Variants in PHF24 observed in about 807,000 individuals in gnomAD.
PHF24 encodes the protein Galpha inhibitory interacting protein.
PHF24 carries 25 observed loss-of-function variants against 42.6 expected under a neutral mutation model. The ratio of observed to expected loss-of-function variants is 0.59; its 90% confidence interval spans 0.43 to 0.82. The LOEUF is 0.82. Ranked by LOEUF, PHF24 falls within the 40% of genes least tolerant of loss-of-function variation. The pLI, the probability that PHF24 is intolerant of heterozygous loss-of-function variation, is 0.00. For synonymous variants in PHF24, 185 were observed against 204.8 expected (o/e 0.90, Z 0.83); for missense variants, 470 against 538.1 (o/e 0.87, Z 1.25).
chr9:34,977,718 C>T (rs1355009309), intron 7 of PHF24, 77 bp downstream of exon 7: 1 of 1,228,610 alleles, frequency 8.1e-7, no homozygotes. Flanking sequence ...AGGGCATTAC[C>T]CACTCCCACT....
At chr9:34,816,296 T>C in the PHF24 span, among the ~76,000 whole-genome samples, 1 of 152,272 alleles carries the variant, frequency 6.6e-6, no homozygotes, top group South Asian at 2.1e-4. Flanking sequence ...ATTCATAGCA[T>C]GAATATATTA....
the PHF24 span, among the ~76,000 whole-genome samples, chr9:34,683,227 A>C: frequency 2.0e-5 from 3 of 152,110 alleles, no homozygotes; most frequent in Admixed American, 6.5e-5. Context: ...TACCTGGCTA[A>C]TTTTTGTATT....
chr9:34,938,252 AG>A, the PHF24 span, among the ~76,000 whole-genome samples: 2 of 152,220 alleles, frequency 1.3e-5, no homozygotes, highest in African/African-American at 4.8e-5. Flanking sequence ...CCAGGCAGTG[AG>A]GGGAAGTTCA....
chr9:34,685,505 G>A, the PHF24 span, among the ~76,000 whole-genome samples: 1 of 152,104 alleles, frequency 6.6e-6, no homozygotes, highest in African/African-American at 2.4e-5. Context: ...TTCCTCTCTT[G>A]TTTTTTCCCC....
the PHF24 span, among the ~76,000 whole-genome samples, chr9:34,861,751 T>C: frequency 2.6e-5 from 4 of 152,154 alleles, no homozygotes; most frequent in African/African-American, 4.8e-5. Flanking sequence ...GGAATTGACA[T>C]TGGAAAATTT....
chr9:34,810,085 A>C, the PHF24 span, among the ~76,000 whole-genome samples: 7 of 151,764 alleles, frequency 4.6e-5, no homozygotes, highest in African/African-American at 1.7e-4. Flanking sequence ...CCCTCAGCCC[A>C]GCAAGCCGGC....
chr9:34,857,910 GTC>G, the PHF24 span, among the ~76,000 whole-genome samples: 75 of 147,876 alleles, frequency 5.1e-4, no homozygotes, highest in African/African-American at 1.7e-3. Context: ...AGTCATTTCA[GTC>G]TCTGTTAAAT....
chr9:34,977,334 C>A, intron 6 of PHF24, 91 bp downstream of exon 6: 2 of 1,454,144 alleles, frequency 1.4e-6, no homozygotes, highest in Non-Finnish European at 1.9e-6. Context: ...GCTCCCCCTG[C>A]CAACAGCCGA....
At chr9:34,767,596 G>A in the PHF24 span, among the ~76,000 whole-genome samples, 4 of 152,208 alleles carry the variant, frequency 2.6e-5, no homozygotes, top group African/African-American at 7.2e-5. Flanking sequence ...AATTTTCCAG[G>A]TGCCGTCTGT....
At chr9:34,928,983 C>T in the PHF24 span, among the ~76,000 whole-genome samples, 21 of 152,266 alleles carry the variant, frequency 1.4e-4, no homozygotes, top group African/African-American at 5.1e-4. Flanking sequence ...ACTGGGAACC[C>T]AGCATGATTT....
chr9:34,682,423 A>G, the PHF24 span, among the ~76,000 whole-genome samples: 1 of 152,052 alleles, frequency 6.6e-6, no homozygotes, highest in Admixed American at 6.6e-5. Context: ...TAAGGCTCTG[A>G]GTTGTCTGTC....
chr9:34,883,933 C>T, the PHF24 span, among the ~76,000 whole-genome samples: 1 of 152,168 alleles, frequency 6.6e-6, no homozygotes, highest in Non-Finnish European at 1.5e-5. Context: ...TATTGCAGCA[C>T]TATTCACAAT....
chr9:34,752,195 G>A, the PHF24 span, among the ~76,000 whole-genome samples: 1 of 151,936 alleles, frequency 6.6e-6, no homozygotes, highest in Non-Finnish European at 1.5e-5. Flanking sequence ...AAATAATAGA[G>A]TTCAGAGCAG....
At chr9:34,937,577 C>T in the PHF24 span, among the ~76,000 whole-genome samples, 1 of 151,942 alleles carries the variant, frequency 6.6e-6, no homozygotes, top group Non-Finnish European at 1.5e-5. Context: ...ATCTGCTAAC[C>T]CTCCCTCCAC....
chr9:34,931,521 A>G, the PHF24 span, among the ~76,000 whole-genome samples: 1 of 152,106 alleles, frequency 6.6e-6, no homozygotes, highest in Non-Finnish European at 1.5e-5. Context: ...TATCATCACT[A>G]AAGAACTCAT....
At chr9:34,889,314 C>T in the PHF24 span, 3 of 398,704 alleles carry the variant, frequency 7.5e-6, no homozygotes, top group Non-Finnish European at 1.3e-5. Context: ...AGGAGTGGCA[C>T]AGGACCCAGG....
chr9:34,851,317 C>T, the PHF24 span, among the ~76,000 whole-genome samples: 484 of 152,332 alleles, frequency 3.2e-3, 2 homozygotes, highest in Non-Finnish European at 5.4e-3. Context: ...GGGCTCCCCT[C>T]CCCCAGCCTC....
the PHF24 span, among the ~76,000 whole-genome samples, chr9:34,787,557 A>G: frequency 6.6e-6 from 1 of 152,182 alleles, no homozygotes; most frequent in Non-Finnish European, 1.5e-5. Flanking sequence ...ATCCTAAGAG[A>G]AAGAAAAGTG....
chr9:34,671,807 T>TCATCCATCCATC, the PHF24 span, among the ~76,000 whole-genome samples: 35 of 149,944 alleles, frequency 2.3e-4, no homozygotes, highest in South Asian at 1.7e-3. Context: ...TTTTTCTGCC[T>TCATCCATCCATC]CATCCATCCA....
Sources: allele counts gnomAD v4.1 joint callset (sites outside exome capture counted in the v4.1 genomes callset), GRCh38; gene constraint gnomAD v4.1.1; transcripts MANE v1.5; gene names NCBI Gene and HGNC (gene_info 2026-07-23, HGNC 2026-07-21).